The following PAX5 variants were observed in gnomAD, a reference collection of about 807,000 sequenced individuals.
PAX5 encodes the protein paired box protein Pax-5.
In PAX5, 9 loss-of-function variants were observed where a neutral mutation model predicts 43.7. The ratio of observed to expected loss-of-function variants is 0.21; its 90% confidence interval spans 0.12 to 0.36. The LOEUF (loss-of-function observed/expected upper bound fraction) is 0.36. Among genes scored for constraint, PAX5 ranks in the 10% least tolerant of loss-of-function variants. The probability of loss-of-function intolerance (pLI) is 1.00; values close to 1 mark genes in which losing one functional copy is unlikely to be tolerated. For missense variants in PAX5, 383 were observed against 532.7 expected, an observed-to-expected ratio of 0.72 and a Z score of 2.77; for synonymous variants, 228 against 214.3, an observed-to-expected ratio of 1.06 and a Z score of -0.56.
chr9:37,013,047 C>T (rs777734630), intron 3 of PAX5, among the ~76,000 whole-genome samples: 3 of 151,664 alleles, frequency 2.0e-5, no homozygotes, highest in Non-Finnish European at 4.4e-5. Flanking sequence ...CCCAGGAGTT[C>T]GATACCAGCC....
intron 8 of PAX5, among the ~76,000 whole-genome samples, chr9:36,871,412 C>A (rs1213209704): frequency 6.6e-6 from 1 of 152,228 alleles, no homozygotes; most frequent in East Asian, 1.9e-4. Flanking sequence ...AGGCTCCTCT[C>A]TGCACTAATG....
chr9:36,910,762 G>A (rs943440571), intron 7 of PAX5, among the ~76,000 whole-genome samples: 1 of 152,126 alleles, frequency 6.6e-6, no homozygotes, highest in African/African-American at 2.4e-5. Context: ...CAATACCAGA[G>A]GTGACCAAGC....
intron 4 of PAX5, among the ~76,000 whole-genome samples, chr9:37,005,726 T>A (rs1280546908): frequency 6.6e-6 from 1 of 152,238 alleles, no homozygotes; most frequent in Admixed American, 6.5e-5. Context: ...ACTTGCTAAA[T>A]CATTGCCCAC....
chr9:36,863,211 T>A (rs1824399119), intron 8 of PAX5, among the ~76,000 whole-genome samples: 1 of 152,232 alleles, frequency 6.6e-6, no homozygotes, highest in East Asian at 1.9e-4. Flanking sequence ...ATAAGTCCAA[T>A]GGATCTTCAA....
At chr9:36,867,580 G>A (rs901428598) in intron 8 of PAX5, among the ~76,000 whole-genome samples, 6 of 152,212 alleles carry the variant, frequency 3.9e-5, no homozygotes, top group Non-Finnish European at 7.3e-5. Context: ...AAGACCCCAC[G>A]ATGGCCACAG....
intron 1 of PAX5, among the ~76,000 whole-genome samples, chr9:37,023,056 G>C (rs1839991071): frequency 6.6e-6 from 1 of 152,152 alleles, no homozygotes; most frequent in East Asian, 1.9e-4. Context: ...GGCGAGGCAG[G>C]ACAGGGAAAG....
intron 8 of PAX5, among the ~76,000 whole-genome samples, chr9:36,863,007 GCCTGCTCTACAGCCACCAAAC>G (rs1824374194): frequency 6.6e-6 from 1 of 152,182 alleles, no homozygotes; most frequent in Admixed American, 6.5e-5. Context: ...CTGAGGTCCA[GCCTGCTCTACAGCCACCAAAC>G]CCTAAGTCCT....
chr9:37,023,825 C>G (rs1195364212), intron 1 of PAX5, among the ~76,000 whole-genome samples: 3 of 152,182 alleles, frequency 2.0e-5, no homozygotes, highest in Non-Finnish European at 2.9e-5. Flanking sequence ...GACAGGCAAA[C>G]AGGGGCACAG....
chr9:37,026,474 G>C (rs1406035708), intron 1 of PAX5: 1 of 1,289,748 alleles, frequency 7.8e-7, no homozygotes, highest in Non-Finnish European at 1.0e-6. Context: ...CCCACGGTCC[G>C]GCACCCCCAA....
chr9:36,914,470 G>A (rs536290532), intron 7 of PAX5, among the ~76,000 whole-genome samples: 16 of 152,130 alleles, frequency 1.1e-4, no homozygotes, highest in Non-Finnish European at 1.8e-4. Context: ...TTCTGTGCAC[G>A]GGGAAAGCCC....
At chr9:36,925,027 G>A (rs940742416) in intron 6 of PAX5, among the ~76,000 whole-genome samples, 2 of 152,052 alleles carry the variant, frequency 1.3e-5, no homozygotes, top group African/African-American at 2.4e-5. Flanking sequence ...GGAAGGAGCT[G>A]CAGGCACCCT....
chr9:36,964,232 G>A (rs553265712), intron 6 of PAX5, among the ~76,000 whole-genome samples: 41 of 151,806 alleles, frequency 2.7e-4, no homozygotes, highest in African/African-American at 9.7e-4. Context: ...AGTGAGCCGA[G>A]ATCGCGCCAC....
rs577234533 is a variant in PAX5, at chr9:36,943,709, C to T, written c.781-20225G>A. On this transcript the variant is annotated intron_variant, in intron 6 of 9. Transcript: ENST00000358127. ...CATGAAAGACTTTGAGAAGAATAGG[C>T]GTAGGTTCCAAAGAACCTACACCTA... 4.8e-4 allele frequency among the ~76,000 whole-genome samples: 73 copies of T among 152,156 alleles called. 2 individuals carry two copies. The highest frequency in any genetic ancestry group is 4.1e-3 in the Admixed American group (63 of 15,288).
At chr9:36,949,266 T>C (rs1335898927) in intron 6 of PAX5, among the ~76,000 whole-genome samples, 1 of 152,080 alleles carries the variant, frequency 6.6e-6, no homozygotes, top group Non-Finnish European at 1.5e-5. Context: ...TTCACCATGC[T>C]AGCCAGGATG....
rs539365703 is a variant in PAX5, at chr9:36,976,253, C to T, written c.605-9529G>A. ...AGCAAGTCATATATTGCTCAGAGTC[C>T]AACAACAACAACAAAATGCTGTTCA... On this transcript the variant is annotated intron_variant, in intron 5 of 9. Coordinates refer to ENST00000358127, the MANE Select transcript of PAX5 (RefSeq NM_016734.3). 2.6e-5 allele frequency among the ~76,000 whole-genome samples: 4 copies of T among 152,152 alleles called. No homozygotes were observed. In the South Asian group the frequency reaches 8.3e-4, roughly 32 times the overall value.
chr9:36,889,499 A>G (rs1827184563), intron 7 of PAX5, among the ~76,000 whole-genome samples: 1 of 152,242 alleles, frequency 6.6e-6, no homozygotes, highest in Admixed American at 6.5e-5. Flanking sequence ...CCCATTTTAC[A>G]GATGTGGAAA....
intron 1 of PAX5, chr9:37,026,787 G>A (rs1049685398): frequency 1.1e-6 from 1 of 928,660 alleles, no homozygotes; most frequent in Non-Finnish European, 1.3e-6. Flanking sequence ...TAGCGCACCC[G>A]GGCTAGGAGC....
intron 1 of PAX5, chr9:37,026,418 C>T (rs568459292): frequency 3.2e-6 from 3 of 927,632 alleles, no homozygotes; most frequent in African/African-American, 1.7e-5. Context: ...GCAAAGTTAG[C>T]TGCGCGGCTG....
At chr9:36,887,177 G>A (rs538597832) in intron 7 of PAX5, among the ~76,000 whole-genome samples, 7 of 152,226 alleles carry the variant, frequency 4.6e-5, no homozygotes, top group South Asian at 2.1e-4. Flanking sequence ...TCCCCTCGAG[G>A]GGACTAGCCC....
Sources: allele counts gnomAD v4.1 joint callset (sites outside exome capture counted in the v4.1 genomes callset), GRCh38; gene constraint gnomAD v4.1.1; transcripts MANE v1.5; gene names NCBI Gene and HGNC (gene_info 2026-07-23, HGNC 2026-07-21).